Variants in RIMS2 observed in about 807,000 individuals in gnomAD.
RIMS2 encodes regulating synaptic membrane exocytosis protein 2.
A neutral mutation model predicts 174.4 loss-of-function variants in RIMS2; 59 were observed. That is an observed-to-expected ratio of 0.34 (90% CI 0.27 to 0.42). The LOEUF (loss-of-function observed/expected upper bound fraction) is 0.42, where lower values mean the gene tolerates loss of function less well. RIMS2 is among the 10% of genes least tolerant of loss of function. RIMS2 has a pLI of 1.00. For synonymous variants in RIMS2, 606 were observed against 572.5 expected, an observed-to-expected ratio of 1.06 and a Z score of -0.84; for missense variants, 1,620 against 1,666.3, an observed-to-expected ratio of 0.97 and a Z score of 0.48.
At chr8:103,917,130 A>C (rs182575281) in intron 8 of RIMS2, among the ~76,000 whole-genome samples, 2 of 152,204 alleles carry the variant, frequency 1.3e-5, no homozygotes, top group African/African-American at 4.8e-5. Context: ...AGTGAATTAC[A>C]TTACATGCCA....
intron 3 of RIMS2, among the ~76,000 whole-genome samples, chr8:103,795,961 A>C (rs919219991): frequency 3.9e-5 from 6 of 152,190 alleles, no homozygotes; most frequent in Admixed American, 3.9e-4. Flanking sequence ...CTCCTTTGTC[A>C]TCCCCTAGCC....
At chr8:104,079,491 C>G (rs2097365228) in intron 19 of RIMS2, among the ~76,000 whole-genome samples, 1 of 150,692 alleles carries the variant, frequency 6.6e-6, no homozygotes, top group African/African-American at 2.4e-5. Context: ...AAAGGTCTCG[C>G]TTTATAAAAT....
At chr8:103,812,096 G>GT (rs1163154601) in intron 3 of RIMS2, among the ~76,000 whole-genome samples, 3 of 151,870 alleles carry the variant, frequency 2.0e-5, no homozygotes, top group African/African-American at 4.8e-5. Context: ...AAAACAGCAT[G>GT]TTTTTTTTCA....
At chr8:103,676,789 C>T (rs2096820426) in intron 1 of RIMS2, among the ~76,000 whole-genome samples, 1 of 152,032 alleles carries the variant, frequency 6.6e-6, no homozygotes, top group African/African-American at 2.4e-5. Flanking sequence ...TCAAGAGTAG[C>T]CTGGCCAACA....
intron 3 of RIMS2, among the ~76,000 whole-genome samples, chr8:103,787,075 C>A (rs1470992982): frequency 6.8e-6 from 1 of 147,466 alleles, no homozygotes; most frequent in Non-Finnish European, 1.5e-5. Context: ...TCTGTTTTAT[C>A]AGAGACTAGG....
intron 19 of RIMS2, among the ~76,000 whole-genome samples, chr8:104,098,982 A>G (rs1024304170): frequency 1.3e-5 from 2 of 152,172 alleles, no homozygotes; most frequent in African/African-American, 2.4e-5. Context: ...TATTTTGTCT[A>G]TCTAGGCTTT....
intron 3 of RIMS2, among the ~76,000 whole-genome samples, chr8:103,863,636 G>T (rs1214634490): frequency 5.3e-5 from 8 of 151,454 alleles, no homozygotes; most frequent in African/African-American, 1.9e-4. Context: ...ATTCATTTCT[G>T]GTCTGTTCAG....
At chr8:103,697,559 AC>A (rs1436532807) in intron 2 of RIMS2, among the ~76,000 whole-genome samples, 46 of 150,402 alleles carry the variant, frequency 3.1e-4, no homozygotes, top group Non-Finnish European at 6.1e-4. Context: ...AAAAAAAAAA[AC>A]AAAAAAAACC....
intron 19 of RIMS2, among the ~76,000 whole-genome samples, chr8:104,061,010 T>C (rs1302521233): frequency 6.6e-6 from 1 of 152,210 alleles, no homozygotes; most frequent in Non-Finnish European, 1.5e-5. Flanking sequence ...AATTTTGGAA[T>C]AGGTGCAGTG....
chr8:103,641,418 G>T (rs1056863746), intron 1 of RIMS2, among the ~76,000 whole-genome samples: 5 of 152,078 alleles, frequency 3.3e-5, no homozygotes, highest in Non-Finnish European at 4.4e-5. Flanking sequence ...ATATACAATA[G>T]ATTATTGTAA....
chr8:104,013,470 T>C lies in RIMS2; in HGVS notation c.3073T>C (p.Tyr1025His), dbSNP rs749403528. The change falls in exon 18 of 24, where the codon TAT becomes CAT. Residue 1025 changes from tyrosine to histidine, a missense_variant. Tyr to His is a moderately conservative substitution (Grantham distance 83, BLOSUM62 2). Around this residue, in one of 2 missense-constraint regions of RIMS2, gnomAD observed 1,395 missense variants for 1,360.1 expected, o/e 1.03. Transcript: ENST00000504942. Reference sequence around the variant, plus strand: ...TTGTGAAGCAGCAGATAGACAGCCATATCACAGATCCAGATCAACAGAACA... The same window carrying C: ...TTGTGAAGCAGCAGATAGACAGCCACATCACAGATCCAGATCAACAGAACA... 2.5e-6 allele frequency: 4 copies of C among 1,613,798 alleles called. No homozygotes were observed. In the South Asian group the frequency reaches 3.3e-5, roughly 13 times the overall value.
chr8:104,245,072 A>G lies in RIMS2; in HGVS notation c.3476+15A>G. 1 of 1,612,924 alleles carries G rather than the reference A, an allele frequency of 6.2e-7. No individual in the cohort carries two copies. The highest frequency in any genetic ancestry group is 8.5e-7 in the Non-Finnish European group (1 of 1,179,250). ...TCAGAAGGAAAGTGAGTGAGGCTGCATGTGATGTGTGTCTCCTCCGTGCCT... is the reference window on the plus strand; with the variant it reads ...TCAGAAGGAAAGTGAGTGAGGCTGCGTGTGATGTGTGTCTCCTCCGTGCCT... On this transcript the variant is annotated intron_variant, in intron 20 of 23. Transcript: ENST00000504942.
intron 3 of RIMS2, among the ~76,000 whole-genome samples, chr8:103,859,927 ACT>A (rs2099049634): frequency 6.6e-6 from 1 of 151,900 alleles, no homozygotes; most frequent in African/African-American, 2.4e-5. Flanking sequence ...CAGTGGACAG[ACT>A]CTATCACTTG....
intron 17 of RIMS2, among the ~76,000 whole-genome samples, chr8:104,001,432 G>A (rs2095384299): frequency 6.6e-6 from 1 of 151,766 alleles, no homozygotes; most frequent in Non-Finnish European, 1.5e-5. Context: ...AAATGAATGT[G>A]TATTAGTTAC....
At chr8:103,664,969 C>A (rs974604282) in intron 1 of RIMS2, among the ~76,000 whole-genome samples, 42 of 152,146 alleles carry the variant, frequency 2.8e-4, no homozygotes, top group African/African-American at 9.7e-4. Flanking sequence ...AGTTCATGTC[C>A]TTTGCAGGGA....
At position 103,856,419 on chromosome 8, in the gene RIMS2, A is replaced by G. The variant is rs539030065; in HGVS notation, c.699-28879A>G. ...TTAACTTACTAACGTGTCACAGAGA[A>G]TACAAAACTTCTGTGTTTCAGATGT... On this transcript the variant is annotated intron_variant, in intron 3 of 23. Transcript: ENST00000504942. Among the ~76,000 whole-genome samples the G allele has an allele frequency of 5.3e-5, 8 of 152,344 alleles. No individual in the cohort carries two copies. The South Asian group carries it at 1.7e-3, about 32-fold the overall frequency.
intron 14 of RIMS2, among the ~76,000 whole-genome samples, chr8:103,947,801 A>G (rs1321356484): frequency 6.6e-6 from 1 of 152,070 alleles, no homozygotes; most frequent in East Asian, 1.9e-4. Context: ...AAGTAATTAT[A>G]CTGTGACATT....
chr8:103,861,625 A>G (rs752843206), intron 3 of RIMS2, among the ~76,000 whole-genome samples: 6 of 152,102 alleles, frequency 3.9e-5, no homozygotes, highest in Non-Finnish European at 8.8e-5. Context: ...TATTCTCTGC[A>G]TCCTTGCCAA....
intron 5 of RIMS2, chr8:103,910,498 C>T: frequency 6.3e-7 from 1 of 1,596,496 alleles, no homozygotes; most frequent in Non-Finnish European, 8.5e-7. Flanking sequence ...AGTAGCACAA[C>T]CCTTAACGAG....
Sources: allele counts gnomAD v4.1 joint callset (sites outside exome capture counted in the v4.1 genomes callset), GRCh38; gene constraint gnomAD v4.1.1; regional missense constraint gnomAD v4.1.1; transcripts MANE v1.5; gene names NCBI Gene and HGNC (gene_info 2026-07-23, HGNC 2026-07-21).